Variants in GPC3 observed in about 807,000 individuals in gnomAD.
The protein encoded by GPC3 is glypican-3.
GPC3 carries 3 observed loss-of-function variants against 34.4 expected under a neutral mutation model. The observed-to-expected ratio is 0.09, with a 90% CI of 0.04 to 0.23. GPC3 has a LOEUF of 0.23. GPC3 is among the 10% of genes least tolerant of loss of function. The probability of loss-of-function intolerance (pLI) is 1.00; values close to 1 mark genes in which losing one functional copy is unlikely to be tolerated. For synonymous variants in GPC3, 177 were observed against 174.0 expected, an observed-to-expected ratio of 1.02 and a Z score of -0.13; for missense variants, 351 against 445.6, an observed-to-expected ratio of 0.79 and a Z score of 1.91.
At chrX:133,959,199 T>C (rs778074646) in intron 1 of GPC3, among the ~76,000 whole-genome samples, 3 of 111,735 alleles carry the variant, frequency 2.7e-5, no homozygotes, top group South Asian at 3.8e-4. Context: ...ACTCTTTCCT[T>C]TGGGCCCACT....
At chrX:133,806,773 C>A (rs1358806189) in intron 2 of GPC3, among the ~76,000 whole-genome samples, 2 of 109,964 alleles carry the variant, frequency 1.8e-5, no homozygotes, top group Non-Finnish European at 3.8e-5. Flanking sequence ...CTCAGCCTCC[C>A]GAGTAGCTGG....
chrX:133,785,368 G>A (rs1487123622), intron 2 of GPC3, among the ~76,000 whole-genome samples: 4 of 111,296 alleles, frequency 3.6e-5, no homozygotes, highest in East Asian at 5.6e-4. Context: ...AGGTTATGGT[G>A]TGTGTGACTA....
chrX:133,678,692 A>G (rs1391925235), intron 5 of GPC3, among the ~76,000 whole-genome samples: 1 of 111,974 alleles, frequency 8.9e-6, no homozygotes, highest in Non-Finnish European at 1.9e-5. Context: ...GCTAGATGCT[A>G]TCCACTGGGG....
chrX:133,552,650 T>C (rs188253931), intron 7 of GPC3, among the ~76,000 whole-genome samples: 1 of 112,083 alleles, frequency 8.9e-6, no homozygotes, highest in East Asian at 2.8e-4. Context: ...AACTCAGCAA[T>C]TGTTTACATT....
At chrX:133,970,697 G>A (rs1374432223) in intron 1 of GPC3, among the ~76,000 whole-genome samples, 2 of 103,568 alleles carry the variant, frequency 1.9e-5, no homozygotes, top group African/African-American at 7.1e-5. Flanking sequence ...AACTATCTGC[G>A]ACTCTATGCA....
intron 6 of GPC3, among the ~76,000 whole-genome samples, chrX:133,607,449 T>C (rs1276575891): frequency 9.0e-6 from 1 of 111,238 alleles, no homozygotes; most frequent in Non-Finnish European, 1.9e-5. Context: ...TTCTTTTTAA[T>C]AGAGATGGGG....
At chrX:133,919,369 CTG>C (rs1339217887) in intron 2 of GPC3, among the ~76,000 whole-genome samples, 1 of 112,009 alleles carries the variant, frequency 8.9e-6, no homozygotes, top group Non-Finnish European at 1.9e-5. Flanking sequence ...AAAACATTGT[CTG>C]TGAATTTCAT....
At chrX:133,945,818 C>A (rs2076365956) in intron 2 of GPC3, among the ~76,000 whole-genome samples, 1 of 110,954 alleles carries the variant, frequency 9.0e-6, no homozygotes, top group Admixed American at 9.5e-5. Context: ...GAAACTTAAG[C>A]TACAGGGACC....
At chrX:133,885,680 C>A (rs1038788546) in intron 2 of GPC3, among the ~76,000 whole-genome samples, 6 of 111,244 alleles carry the variant, frequency 5.4e-5, no homozygotes, top group African/African-American at 2.0e-4. Context: ...TTTATCATTA[C>A]AAAAGTCCAA....
chrX:133,718,527 T>A (rs1232819972), intron 3 of GPC3, among the ~76,000 whole-genome samples: 2 of 111,327 alleles, frequency 1.8e-5, no homozygotes, highest in Non-Finnish European at 3.8e-5. Flanking sequence ...AAGCAAGACA[T>A]AAAGCATTTA....
intron 7 of GPC3, among the ~76,000 whole-genome samples, chrX:133,591,303 C>G (rs1431635006): frequency 1.8e-5 from 2 of 111,980 alleles, no homozygotes; most frequent in African/African-American, 6.5e-5. Context: ...GCTGATGAAT[C>G]ATCAGGACCA....
intron 2 of GPC3, among the ~76,000 whole-genome samples, chrX:133,876,492 T>C (rs1054783415): frequency 4.5e-5 from 5 of 112,236 alleles, no homozygotes; most frequent in Non-Finnish European, 9.4e-5. Flanking sequence ...TTCCAATTTA[T>C]GTCCTATCTA....
intron 2 of GPC3, among the ~76,000 whole-genome samples, chrX:133,822,320 C>T (rs2075723663): frequency 9.0e-6 from 1 of 111,681 alleles, no homozygotes; most frequent in Admixed American, 9.5e-5. Context: ...TTACCAATGG[C>T]TCTAAAGTGC....
At chrX:133,830,179 T>C (rs2075768063) in intron 2 of GPC3, among the ~76,000 whole-genome samples, 1 of 111,454 alleles carries the variant, frequency 9.0e-6, no homozygotes, top group African/African-American at 3.3e-5. Context: ...GCTAAAGGGA[T>C]AGATATATAC....
chrX:133,856,057 G>A (rs1386377729), intron 2 of GPC3, among the ~76,000 whole-genome samples: 1 of 111,731 alleles, frequency 9.0e-6, no homozygotes, highest in Non-Finnish European at 1.9e-5. Flanking sequence ...CTTGGCTATT[G>A]TGATAATATT....
chrX:133,630,060 T>G (rs1371511433), intron 6 of GPC3, among the ~76,000 whole-genome samples: 3 of 104,117 alleles, frequency 2.9e-5, no homozygotes, highest in Non-Finnish European at 4.0e-5. Context: ...ATCTCAAAAA[T>G]AAAAAAGAAA....
In GPC3 at chrX:133,801,689, C is replaced by CTT. The variant is rs1206151481; in HGVS notation, c.338-47514_338-47513insAA. Among the ~76,000 whole-genome samples, 10 of 112,207 alleles carry CTT rather than the reference C, an allele frequency of 8.9e-5. No homozygotes were observed. In the Admixed American group the frequency reaches 9.4e-4, roughly 11 times the overall value. ...GATTTTAATTAAAAGGTCAAGAACA[C>CTT]TAAAATACAACAAGACATGTATCAG... On this transcript the variant is annotated intron_variant, in intron 2 of 7. Transcript: ENST00000370818.
chrX:133,554,847 C>G (rs2069471942), intron 7 of GPC3, among the ~76,000 whole-genome samples: 2 of 111,970 alleles, frequency 1.8e-5, no homozygotes, highest in Admixed American at 1.9e-4. Context: ...TGCCATTACT[C>G]CATTCATGAG....
At chrX:133,698,624 T>A (rs1229452553) in intron 4 of GPC3, among the ~76,000 whole-genome samples, 1 of 112,135 alleles carries the variant, frequency 8.9e-6, no homozygotes, top group African/African-American at 3.2e-5. Context: ...GCAATTATCA[T>A]ATTTTTAACC....
Sources: gnomAD v4.1 joint callset for allele counts (sites outside exome capture counted in the v4.1 genomes callset) on GRCh38, gnomAD v4.1.1 for gene constraint, MANE v1.5 for transcripts, NCBI Gene and HGNC (gene_info 2026-07-23, HGNC 2026-07-21) for gene names.